Variants in OXNAD1 observed in about 807,000 individuals in gnomAD.
OXNAD1 encodes the protein oxidoreductase NAD-binding domain-containing protein 1.
Under a neutral mutation model 32.9 loss-of-function variants are expected in OXNAD1, and 34 were observed. The observed-to-expected ratio is 1.03, with a 90% CI of 0.79 to 1.38. OXNAD1 has a LOEUF of 1.38. Among genes scored for constraint, OXNAD1 ranks in the 40% most tolerant of loss-of-function variants. The probability of loss-of-function intolerance (pLI) is 0.00; values close to 1 mark genes in which losing one functional copy is unlikely to be tolerated. For missense variants in OXNAD1, 407 were observed against 379.4 expected (o/e 1.07, Z -0.60); for synonymous variants, 134 against 135.2 (o/e 0.99, Z 0.06).
intron 9 of OXNAD1, among the ~76,000 whole-genome samples, chr3:16,330,805 G>A (rs2070234179): frequency 6.6e-6 from 1 of 152,104 alleles, no homozygotes; most frequent in Non-Finnish European, 1.5e-5. Context: ...CAAAAATTAG[G>A]ACAACAGAAT....
chr3:16,324,276 T>G (rs1040043700), intron 9 of OXNAD1, among the ~76,000 whole-genome samples: 1 of 152,222 alleles, frequency 6.6e-6, no homozygotes, highest in Non-Finnish European at 1.5e-5. Context: ...TACTTAGCAC[T>G]TTTTGTGGTG....
In OXNAD1 at chr3:16,282,320, A is replaced by G. The variant is rs1050149987; in HGVS notation, c.184-4022A>G. Among the ~76,000 whole-genome samples, 6 of 151,542 alleles carry G rather than the reference A, an allele frequency of 4.0e-5. No homozygotes were observed. In the East Asian group the frequency reaches 1.2e-3, roughly 29 times the overall value. ...CCTGAACTCTCCCATACTTTTAAAC[A>G]TGAATCTGGATTTTCTGTAGTGTTC... is the stretch of plus-strand genomic sequence containing the variant. On this transcript the variant is annotated intron_variant, in intron 4 of 8. Coordinates refer to ENST00000285083, the MANE Select transcript of OXNAD1 (RefSeq NM_138381.5).
intron 9 of OXNAD1, chr3:16,326,894 G>A (rs781260338): frequency 1.1e-5 from 17 of 1,597,306 alleles, no homozygotes; most frequent in Middle Eastern, 3.5e-4. Context: ...AACAAGGCCA[G>A]CATTAGGGCT....
intron 5 of OXNAD1, among the ~76,000 whole-genome samples, chr3:16,293,335 G>A (rs2066551548): frequency 1.3e-5 from 2 of 152,154 alleles, no homozygotes; most frequent in African/African-American, 4.8e-5. Context: ...TTCGTTGCTA[G>A]TGTATAGAGA....
rs2067375782 is a variant in OXNAD1 at position 16,304,047 on chromosome 3, C to T, written c.*485C>T. 1 of 152,388 alleles carries T rather than the reference C, an allele frequency of 6.6e-6. No homozygotes were observed. Among genetic ancestry groups the T allele is most frequent in the Admixed American group, 6.5e-5 (1 of 15,286 alleles). The allele number at this position is 152,388 out of a possible 1,614,324, so 9.4% of individuals were successfully genotyped here. ...TATTTAATGCCTTTGTTTACTGTAC[C>T]ATGGCCTACAGTCTTATTTGGTCCA... On this transcript the variant is annotated 3_prime_UTR_variant, in exon 9 of 9. Transcript: ENST00000285083. The surrounding 1 kb of genome is among the most constrained non-coding windows in gnomAD (Gnocchi z 4.6).
intron 9 of OXNAD1, among the ~76,000 whole-genome samples, chr3:16,331,680 C>G (rs555284239): frequency 3.3e-5 from 5 of 152,226 alleles, no homozygotes; most frequent in African/African-American, 1.2e-4. Flanking sequence ...GACATCATTT[C>G]TGAAACTTTG....
intron 4 of OXNAD1, among the ~76,000 whole-genome samples, chr3:16,279,795 T>C (rs149332376): frequency 3.3e-5 from 5 of 152,302 alleles, no homozygotes; most frequent in African/African-American, 1.2e-4. Context: ...TGACTGGCTT[T>C]AGTACATTAC....
intron 9 of OXNAD1, among the ~76,000 whole-genome samples, chr3:16,332,922 A>G (rs1318227001): frequency 6.6e-6 from 1 of 152,198 alleles, no homozygotes; most frequent in Non-Finnish European, 1.5e-5. Context: ...TGCATTAGTG[A>G]CTATTGAACC....
chr3:16,300,642 G>A, intron 6 of OXNAD1, among the ~76,000 whole-genome samples: 1 of 152,192 alleles, frequency 6.6e-6, no homozygotes, highest in East Asian at 1.9e-4. Flanking sequence ...ATAATGGTGT[G>A]CTGGCAAACC....
intron 4 of OXNAD1, among the ~76,000 whole-genome samples, chr3:16,272,488 T>C (rs56354061): frequency 0.086 from 13,117 of 152,224 alleles, 793 homozygotes; most frequent in Middle Eastern, 0.14. Context: ...TCTACAAACA[T>C]GGGCAGAAAT....
chr3:16,351,251 C>G (rs886147269), downstream of OXNAD1, among the ~76,000 whole-genome samples: 2 of 152,156 alleles, frequency 1.3e-5, no homozygotes, highest in Non-Finnish European at 2.9e-5. This position sits in a 1 kb window ranked among gnomAD's most constrained non-coding sequence, Gnocchi z 5.4. Context: ...TCCTGCAGCG[C>G]GCCAAGGACT....
Position 16,329,347 on chromosome 3 carries a change from G to C in OXNAD1, c.*31-7765G>C. 9.5e-6 allele frequency among the ~76,000 whole-genome samples: 1 copy of C among 105,668 alleles called. No homozygotes were observed. Among genetic ancestry groups the C allele is most frequent in the East Asian group, 2.2e-4 (1 of 4,492 alleles). 69.3% of individuals were successfully genotyped at this position (105,668 alleles called of 152,430 possible). A position where few individuals can be genotyped will look rare whatever the true frequency, so the allele number is the denominator to read the frequency against. ...CCGAGACAGGGCGGAAGTGGAGAAAGGGAAAGGGAAAGAGGAAACTTAATA... is the reference window on the plus strand; with the variant it reads ...CCGAGACAGGGCGGAAGTGGAGAAACGGAAAGGGAAAGAGGAAACTTAATA... On this transcript the variant is annotated intron_variant, in intron 9 of 9. Coordinates refer to the OXNAD1 transcript ENST00000435829. The surrounding 1 kb of genome is among the most constrained non-coding windows in gnomAD (Gnocchi z 4.5).
At chr3:16,318,667 A>T (rs1464954272) in intron 9 of OXNAD1, among the ~76,000 whole-genome samples, 1 of 152,254 alleles carries the variant, frequency 6.6e-6, no homozygotes, top group Non-Finnish European at 1.5e-5. Flanking sequence ...ATGTTCCATT[A>T]AAGTAGAGAA....
At position 16,305,595 on chromosome 3, in the gene OXNAD1, T is replaced by C. The variant is rs2067493649; in HGVS notation, c.*2033T>C. ...GTCCAGATCTTTTTGGTACTTAAAT[T>C]GAGCTAACTCCAGCCAGAGTGGCTT... On this transcript the variant is annotated 3_prime_UTR_variant, in exon 9 of 9. Coordinates refer to ENST00000285083, the MANE Select transcript of OXNAD1 (RefSeq NM_138381.5). This position sits in a 1 kb window ranked among gnomAD's most constrained non-coding sequence, Gnocchi z 4.5. The C allele has an allele frequency of 6.6e-6, 1 of 152,250 alleles. No individual in the cohort carries two copies. Among genetic ancestry groups the C allele is most frequent in the Non-Finnish European group, 1.5e-5 (1 of 68,058 alleles). The allele number at this position is 152,250 out of a possible 1,614,324, so 9.4% of individuals were successfully genotyped here.
intron 4 of OXNAD1, among the ~76,000 whole-genome samples, chr3:16,274,036 G>C (rs939398885): frequency 2.6e-5 from 4 of 151,490 alleles, no homozygotes; most frequent in Admixed American, 2.6e-4. Flanking sequence ...TACAAATGAG[G>C]CAGGCACATA....
downstream of OXNAD1, chr3:16,306,100 A>G (rs546183399): frequency 7.1e-6 from 1 of 139,994 alleles, no homozygotes; most frequent in South Asian, 2.1e-4. Context: ...CTCTGGCTCT[A>G]TGAGTTTGAA....
intron 4 of OXNAD1, among the ~76,000 whole-genome samples, chr3:16,273,756 A>G (rs1202519268): frequency 6.6e-6 from 1 of 152,234 alleles, no homozygotes; most frequent in Non-Finnish European, 1.5e-5. Context: ...AGCATCCATC[A>G]TAGGCATTAA....
rs115690143 is a variant in OXNAD1 at position 16,326,600 on chromosome 3, G to A, written c.*31-10512G>A. 6.5e-3 allele frequency among the ~76,000 whole-genome samples: 995 copies of A among 152,264 alleles called. 13 individuals carry two copies. The highest frequency in any genetic ancestry group is 0.022 in the African/African-American group (894 of 41,538). ...GGTGCAGGGGAGTTCTCTGGGTGAC[G>A]GTGGTTAAGAATGTGAAATTCTGGC... On this transcript the variant is annotated intron_variant, in intron 9 of 9. Transcript: ENST00000435829.
At position 16,317,134 on chromosome 3, in the gene OXNAD1, A is replaced by C; in HGVS notation, c.*30+13542A>C. 1 of 1,612,360 alleles carries C rather than the reference A, an allele frequency of 6.2e-7. No individual in the cohort carries two copies. Among genetic ancestry groups the C allele is most frequent in the Non-Finnish European group, 8.5e-7 (1 of 1,179,708 alleles). On this transcript the variant is annotated intron_variant, in intron 9 of 9. Coordinates refer to the OXNAD1 transcript ENST00000435829. The surrounding 1 kb of genome is among the most constrained non-coding windows in gnomAD (Gnocchi z 4.3). ...AAGACTGGTCTTCTAAGTTCTTCTC[A>C]TTTTCTTCTGCTTGTTGTTTGTCTC... is the stretch of plus-strand genomic sequence containing the variant.
Sources: allele counts gnomAD v4.1 joint callset (sites outside exome capture counted in the v4.1 genomes callset), GRCh38; gene constraint gnomAD v4.1.1; non-coding constraint Gnocchi (gnomAD v3.1); transcripts MANE v1.5; gene names NCBI Gene and HGNC (gene_info 2026-07-23, HGNC 2026-07-21).